CEP63: variants seen among roughly 807,000 people sequenced by gnomAD.
The protein encoded by CEP63 is centrosomal protein of 63 kDa.
In CEP63, 84 loss-of-function variants were observed where a neutral mutation model predicts 89.1. The observed-to-expected ratio is 0.94, with a 90% CI of 0.79 to 1.13. CEP63 has a LOEUF of 1.13. CEP63 is among the 50% of genes most tolerant of loss of function. CEP63 has a pLI of 0.00. For missense variants in CEP63, 838 were observed against 813.3 expected, an observed-to-expected ratio of 1.03 and a Z score of -0.37; for synonymous variants, 267 against 272.5, an observed-to-expected ratio of 0.98 and a Z score of 0.20.
At chr3:134,733,274 T>C in the CEP63 span, among the ~76,000 whole-genome samples, 3 of 152,098 alleles carry the variant, frequency 2.0e-5, no homozygotes, top group Non-Finnish European at 2.9e-5. Context: ...CATGCAGAAT[T>C]GTCTGCCAGC....
intron 6 of CEP63, 25 bp downstream of exon 6, chr3:134,537,293 A>G (rs1310959547): frequency 2.1e-6 from 3 of 1,438,832 alleles, no homozygotes; most frequent in Admixed American, 1.7e-5. Context: ...TTTTAAAATA[A>G]TGAGAAGCAG....
chr3:134,669,129 A>C, the CEP63 span, among the ~76,000 whole-genome samples: 1 of 151,910 alleles, frequency 6.6e-6, no homozygotes, highest in South Asian at 2.1e-4. Flanking sequence ...GGGCTCAAAC[A>C]ATCATCTCAC....
intron 2 of CEP63, among the ~76,000 whole-genome samples, chr3:134,504,645 C>T (rs752783049): frequency 2.0e-5 from 3 of 152,128 alleles, no homozygotes; most frequent in Non-Finnish European, 4.4e-5. Context: ...ATATCTATAT[C>T]TTTTGCAAGA....
the CEP63 span, among the ~76,000 whole-genome samples, chr3:134,668,285 G>C: frequency 2.1e-4 from 32 of 152,340 alleles, no homozygotes; most frequent in African/African-American, 7.0e-4. Flanking sequence ...ACCCAAGTCT[G>C]CACTTGGAGA....
chr3:134,605,444 A>G, the CEP63 span, among the ~76,000 whole-genome samples: 1 of 152,152 alleles, frequency 6.6e-6, no homozygotes, highest in Admixed American at 6.5e-5. Context: ...GGGGAGGCAG[A>G]ACACTGTGCC....
At chr3:134,586,096 A>G (rs2110345514) in intron 10 of CEP63, among the ~76,000 whole-genome samples, 1 of 152,160 alleles carries the variant, frequency 6.6e-6, no homozygotes, top group Non-Finnish European at 1.5e-5. Flanking sequence ...GTGTCTCTGC[A>G]TGTGAGATGG....
At chr3:134,518,853 G>A (rs533978810) in intron 3 of CEP63, among the ~76,000 whole-genome samples, 91 of 151,768 alleles carry the variant, frequency 6.0e-4, no homozygotes, top group African/African-American at 2.0e-3. Flanking sequence ...ATAAGAGGAT[G>A]AACAAAGCTA....
At chr3:134,754,934 A>T in the CEP63 span, among the ~76,000 whole-genome samples, 1 of 151,982 alleles carries the variant, frequency 6.6e-6, no homozygotes, top group Non-Finnish European at 1.5e-5. Context: ...GGACAAGTCT[A>T]ACAGGACTTT....
At chr3:134,499,549 A>G (rs944638946) in intron 2 of CEP63, among the ~76,000 whole-genome samples, 1 of 151,558 alleles carries the variant, frequency 6.6e-6, no homozygotes, top group African/African-American at 2.4e-5. Context: ...TCCTTCTGCT[A>G]ATTGGGTTTT....
chr3:134,589,589 C>CAAAAAAA (rs55675043), downstream of CEP63, among the ~76,000 whole-genome samples: 1 of 147,152 alleles, frequency 6.8e-6, no homozygotes, highest in Non-Finnish European at 1.5e-5. Flanking sequence ...ATTAAAATGT[C>CAAAAAAA]AAAAAAAAAA....
At chr3:134,567,624 T>A (rs1957836195), downstream of CEP63, among the ~76,000 whole-genome samples, 1 of 151,936 alleles carries the variant, frequency 6.6e-6, no homozygotes, top group Non-Finnish European at 1.5e-5. Flanking sequence ...TTGGAGAGAG[T>A]GGATGTTCAA....
the CEP63 span, among the ~76,000 whole-genome samples, chr3:134,712,665 T>C: frequency 6.6e-6 from 1 of 152,246 alleles, no homozygotes; most frequent in Non-Finnish European, 1.5e-5. Flanking sequence ...TTTGATCTGG[T>C]CTTGGCTTTT....
At chr3:134,567,196 A>G (rs1411060572), downstream of CEP63, among the ~76,000 whole-genome samples, 1 of 150,370 alleles carries the variant, frequency 6.7e-6, no homozygotes, top group Non-Finnish European at 1.5e-5. Flanking sequence ...ATTTACATGA[A>G]TTGCCCAGAA....
intron 3 of CEP63, among the ~76,000 whole-genome samples, chr3:134,528,481 A>T (rs939430834): frequency 6.6e-6 from 1 of 152,056 alleles, no homozygotes; most frequent in African/African-American, 2.4e-5. Context: ...AAGTTTTTAT[A>T]ATTCTGCAGG....
intron 10 of CEP63, among the ~76,000 whole-genome samples, chr3:134,585,903 T>C (rs1958474227): frequency 6.6e-6 from 1 of 152,196 alleles, no homozygotes; most frequent in African/African-American, 2.4e-5. Flanking sequence ...ATATTTAGGA[T>C]AGTTAATTAG....
chr3:134,609,967 G>A, the CEP63 span, among the ~76,000 whole-genome samples: 4 of 152,204 alleles, frequency 2.6e-5, no homozygotes, highest in Non-Finnish European at 4.4e-5. Context: ...GGAGTTATAG[G>A]GAGTCAGAGT....
At chr3:134,710,078 G>A in the CEP63 span, among the ~76,000 whole-genome samples, 1 of 152,220 alleles carries the variant, frequency 6.6e-6, no homozygotes, top group African/African-American at 2.4e-5. Flanking sequence ...AGATGGAGGG[G>A]TGGGGACCCA....
Position 134,532,915 on chromosome 3 carries a change from A to G in CEP63, c.441+15A>G. 6.2e-7 allele frequency: 1 copy of G among 1,612,930 alleles called. No individual in the cohort carries two copies. The highest frequency in any genetic ancestry group is 8.5e-7 in the Non-Finnish European group (1 of 1,179,324). On this transcript the variant is annotated intron_variant, in intron 5 of 14. Transcript: ENST00000675561. ...CAAAAATAGAGGTATGTTCATAGTAATAATTTGTTCATAGTGATTGTCAGC... is the reference window on the plus strand; with the variant it reads ...CAAAAATAGAGGTATGTTCATAGTAGTAATTTGTTCATAGTGATTGTCAGC...
chr3:134,681,488 G>T, the CEP63 span, among the ~76,000 whole-genome samples: 2 of 152,226 alleles, frequency 1.3e-5, no homozygotes, highest in African/African-American at 4.8e-5. Context: ...TGTTGACCTA[G>T]CATGTTAAGA....
Sources: allele counts gnomAD v4.1 joint callset (sites outside exome capture counted in the v4.1 genomes callset), GRCh38; gene constraint gnomAD v4.1.1; transcripts MANE v1.5; gene names NCBI Gene and HGNC (gene_info 2026-07-23, HGNC 2026-07-21).